CNTN5: variants seen among roughly 807,000 people sequenced by gnomAD.
CNTN5 encodes contactin 5.
A neutral mutation model predicts 129.1 loss-of-function variants in CNTN5; 77 were observed. That is an observed-to-expected ratio of 0.60 (90% confidence interval 0.50 to 0.72). CNTN5 has a LOEUF of 0.72. CNTN5 is among the 30% of genes least tolerant of loss of function. CNTN5 has a pLI of 0.00. For missense variants in CNTN5, 1,478 were observed against 1,328.8 expected (o/e 1.11, Z -1.75); for synonymous variants, 509 against 465.6 (o/e 1.09, Z -1.20).
chr11:99,267,920 G>GCGCACACA (rs905178705), intron 1 of CNTN5, among the ~76,000 whole-genome samples: 8 of 140,432 alleles, frequency 5.7e-5, no homozygotes, highest in African/African-American at 2.1e-4. Context: ...ACACACACAC[G>GCGCACACA]CACACACACA....
chr11:100,027,880 G>C (rs78223316), intron 9 of CNTN5, among the ~76,000 whole-genome samples: 1,723 of 152,138 alleles, frequency 0.011, 20 homozygotes, highest in Non-Finnish European at 0.019. Flanking sequence ...AATATTTTGC[G>C]ACTATTCTTT....
intron 13 of CNTN5, among the ~76,000 whole-genome samples, chr11:100,076,586 T>C (rs1220940858): frequency 4.6e-5 from 7 of 152,132 alleles, no homozygotes. Context: ...GAAAGATACA[T>C]TGACCTGAAA....
At chr11:99,791,201 G>A (rs1361517805) in intron 3 of CNTN5, among the ~76,000 whole-genome samples, 1 of 151,712 alleles carries the variant, frequency 6.6e-6, no homozygotes, top group Admixed American at 6.6e-5. Context: ...GGGGGTCTTA[G>A]TCATGAACTC....
At chr11:99,302,173 G>C (rs928466164) in intron 1 of CNTN5, among the ~76,000 whole-genome samples, 1 of 151,184 alleles carries the variant, frequency 6.6e-6, no homozygotes, top group African/African-American at 2.4e-5. Flanking sequence ...AGAAAAAGAA[G>C]AGCAAGCTAA....
chr11:99,184,686 C>T (rs1183208509), intron 1 of CNTN5, among the ~76,000 whole-genome samples: 2 of 152,044 alleles, frequency 1.3e-5, no homozygotes, highest in South Asian at 2.1e-4. Flanking sequence ...TAAAATGGCA[C>T]ACTGCCATAC....
At chr11:99,825,224 C>T (rs531272790) in intron 4 of CNTN5, among the ~76,000 whole-genome samples, 2 of 152,052 alleles carry the variant, frequency 1.3e-5, no homozygotes, top group Non-Finnish European at 2.9e-5. Flanking sequence ...GATGTTTTCG[C>T]TTTTCCCTTG....
At chr11:99,149,613 C>G (rs375840452) in intron 1 of CNTN5, among the ~76,000 whole-genome samples, 1 of 151,910 alleles carries the variant, frequency 6.6e-6, no homozygotes, top group East Asian at 1.9e-4. Context: ...CAACTTCTAA[C>G]AAAGTGAATT....
intron 1 of CNTN5, among the ~76,000 whole-genome samples, chr11:99,245,124 C>T (rs1024551857): frequency 6.6e-6 from 1 of 152,156 alleles, no homozygotes; most frequent in South Asian, 2.1e-4. Context: ...TGCACACACT[C>T]TTTATTGCTT....
chr11:100,203,199 C>T (rs1948825907), intron 15 of CNTN5, among the ~76,000 whole-genome samples: 1 of 152,050 alleles, frequency 6.6e-6, no homozygotes. Flanking sequence ...TCCTACTACA[C>T]TTGCCTCTTC....
intron 9 of CNTN5, among the ~76,000 whole-genome samples, chr11:100,023,427 A>G (rs1941265302): frequency 6.6e-6 from 1 of 152,186 alleles, no homozygotes; most frequent in Non-Finnish European, 1.5e-5. Context: ...GTCTGCCCCT[A>G]CACATTCTCA....
At chr11:99,948,471 T>C (rs1033742151) in intron 7 of CNTN5, among the ~76,000 whole-genome samples, 6 of 152,162 alleles carry the variant, frequency 3.9e-5, no homozygotes, top group African/African-American at 1.4e-4. Flanking sequence ...TCTGGTCTGG[T>C]GAGTGAAATC....
At chr11:99,613,315 T>G (rs1186922349) in intron 3 of CNTN5, among the ~76,000 whole-genome samples, 2 of 152,200 alleles carry the variant, frequency 1.3e-5, no homozygotes, top group East Asian at 3.9e-4. Context: ...TAAGGGGCTC[T>G]TCCCGGCTTC....
chr11:100,343,721 G>A (rs1952216711), intron 23 of CNTN5, among the ~76,000 whole-genome samples: 1 of 152,110 alleles, frequency 6.6e-6, no homozygotes, highest in Non-Finnish European at 1.5e-5. Context: ...ACACAGCAGT[G>A]AAAGAACTGT....
intron 1 of CNTN5, among the ~76,000 whole-genome samples, chr11:99,140,568 TC>T (rs1346176057): frequency 6.6e-6 from 1 of 152,144 alleles, no homozygotes; most frequent in Non-Finnish European, 1.5e-5. Context: ...CCTTGCTTGT[TC>T]CAGTTCTCAA....
At chr11:99,807,601 C>T (rs1477254282) in intron 3 of CNTN5, among the ~76,000 whole-genome samples, 1 of 152,094 alleles carries the variant, frequency 6.6e-6, no homozygotes, top group African/African-American at 2.4e-5. Flanking sequence ...CTGCAACCAC[C>T]ACCTCCCAGT....
chr11:99,457,784 C>T (rs1467356078), intron 2 of CNTN5, among the ~76,000 whole-genome samples: 1 of 151,556 alleles, frequency 6.6e-6, no homozygotes, highest in Non-Finnish European at 1.5e-5. Flanking sequence ...GCATTAGCAA[C>T]TTGGTAATCA....
chr11:100,216,612 G>A (rs936626413), intron 15 of CNTN5, among the ~76,000 whole-genome samples: 4 of 151,792 alleles, frequency 2.6e-5, no homozygotes, highest in Non-Finnish European at 4.4e-5. Flanking sequence ...ATGATGGCAT[G>A]AGCAAATGAA....
chr11:100,343,014 G>T (rs1952200108), intron 23 of CNTN5, among the ~76,000 whole-genome samples: 1 of 152,094 alleles, frequency 6.6e-6, no homozygotes, highest in Non-Finnish European at 1.5e-5. Flanking sequence ...TGTATAAAAT[G>T]CTTGGCATAT....
At chr11:99,727,276 G>A (rs1943376653) in intron 3 of CNTN5, among the ~76,000 whole-genome samples, 1 of 115,128 alleles carries the variant, frequency 8.7e-6, no homozygotes, top group Non-Finnish European at 1.7e-5. Flanking sequence ...ACTGCAGTCC[G>A]CAGTCCGGCC....
Sources: gnomAD v4.1 joint callset for allele counts (sites outside exome capture counted in the v4.1 genomes callset) on GRCh38, gnomAD v4.1.1 for gene constraint, MANE v1.5 for transcripts, NCBI Gene and HGNC (gene_info 2026-07-23, HGNC 2026-07-21) for gene names.